TEX48: variants seen among roughly 807,000 people sequenced by gnomAD.
TEX48 encodes testis-expressed protein 48.
In TEX48, 10 loss-of-function variants were observed where a neutral mutation model predicts 13.2. The observed-to-expected ratio is 0.75, with a 90% CI of 0.47 to 1.28. The LOEUF is 1.28. Ranked by LOEUF, TEX48 falls within the 50% of genes most tolerant of loss-of-function variation. The pLI is 0.00. For missense variants in TEX48, 116 were observed against 139.4 expected, an observed-to-expected ratio of 0.83 and a Z score of 0.84; for synonymous variants, 45 against 52.3, an observed-to-expected ratio of 0.86 and a Z score of 0.60.
At chr9:114,672,408 C>T (rs1245774008) in intron 1 of TEX48, among the ~76,000 whole-genome samples, 1 of 152,136 alleles carries the variant, frequency 6.6e-6, no homozygotes, top group East Asian at 1.9e-4. Flanking sequence ...GTCCCAGATC[C>T]CTTTATTTGT....
intron 3 of TEX48, among the ~76,000 whole-genome samples, chr9:114,671,077 C>A (rs1473710095): frequency 6.6e-6 from 1 of 152,174 alleles, no homozygotes. Flanking sequence ...TTCAAATTTA[C>A]CTGGAGATCC....
intron 3 of TEX48, among the ~76,000 whole-genome samples, chr9:114,669,342 A>T (rs928897243): frequency 1.3e-5 from 2 of 152,016 alleles, no homozygotes; most frequent in African/African-American, 4.8e-5. Context: ...GCAGTGGTGC[A>T]ATCATGACTT....
intron 1 of TEX48, among the ~76,000 whole-genome samples, chr9:114,678,247 C>G (rs1346936453): frequency 6.6e-6 from 1 of 152,202 alleles, no homozygotes; most frequent in African/African-American, 2.4e-5. Context: ...CTCCACCCAA[C>G]TTGATCTTTA....
chr9:114,675,183 A>T (rs73656195), intron 1 of TEX48, among the ~76,000 whole-genome samples: 12,897 of 152,198 alleles, frequency 0.085, 1,085 homozygotes, highest in African/African-American at 0.22. Flanking sequence ...ACTAGCATTT[A>T]TTCTTGTCTT....
chr9:114,667,905 C>CAAAAAA (rs1176250476), intron 4 of TEX48, among the ~76,000 whole-genome samples: 45 of 60,366 alleles, frequency 7.5e-4, no homozygotes, highest in Admixed American at 8.9e-4. Flanking sequence ...GACTCCATCT[C>CAAAAAA]AAAAAAAAAA....
rs1828216573 is a variant in TEX48 at position 114,682,185 on chromosome 9, T to A, written c.-255A>T. On this transcript the variant is annotated 5_prime_UTR_variant, in exon 1 of 5. Transcript: ENST00000436752. ...CACGATGCCATGCTGGCCACCAGAC[T>A]GTATACTGGGGCACAAGTCCTGGGG... 2 of 152,112 alleles carry A rather than the reference T, an allele frequency of 1.3e-5. No homozygotes were observed. The highest frequency in any genetic ancestry group is 4.8e-5 in the African/African-American group (2 of 41,308). 9.4% of individuals were successfully genotyped at this position (152,112 alleles called of 1,614,324 possible).
At position 114,671,810 on chromosome 9, in the gene TEX48, A is replaced by T. The variant is rs181740024; in HGVS notation, c.-87T>A. 70 of 1,444,020 alleles carry T rather than the reference A, an allele frequency of 4.8e-5. No homozygotes were observed. In the East Asian group the frequency reaches 1.6e-3, roughly 32 times the overall value. The allele number at this position is 1,444,020 out of a possible 1,614,324, so 89.5% of individuals were successfully genotyped here. On this transcript the variant is annotated 5_prime_UTR_variant, in exon 2 of 5. An upstream open reading frame in the 5' UTR loses its in-frame stop. Coordinates refer to ENST00000436752, the MANE Select transcript of TEX48 (RefSeq NM_001199233.2). ...CCAGTCTTGAGTTTGAGCCCAGTTC[A>T]CTGGGCTGGGCTGTTTCCTAAGTAA...
chr9:114,680,898 CT>C (rs746840453), intron 1 of TEX48, among the ~76,000 whole-genome samples: 1 of 152,190 alleles, frequency 6.6e-6, no homozygotes, highest in East Asian at 1.9e-4. Context: ...ACTGCTGCCT[CT>C]GAAACACCAC....
At chr9:114,673,036 C>T (rs1433440641) in intron 1 of TEX48, among the ~76,000 whole-genome samples, 3 of 152,080 alleles carry the variant, frequency 2.0e-5, no homozygotes, top group African/African-American at 4.8e-5. Context: ...GGGATGCTAC[C>T]AAGCTGTATA....
At chr9:114,674,557 T>A (rs1828015666) in intron 1 of TEX48, among the ~76,000 whole-genome samples, 1 of 151,660 alleles carries the variant, frequency 6.6e-6, no homozygotes, top group Non-Finnish European at 1.5e-5. Flanking sequence ...TCTCTCTTTT[T>A]CTTCTTTTTT....
chr9:114,668,803 T>G (rs1240032081), intron 3 of TEX48, among the ~76,000 whole-genome samples: 1 of 152,206 alleles, frequency 6.6e-6, no homozygotes, highest in African/African-American at 2.4e-5. Flanking sequence ...ACATAGTCCA[T>G]CATATCCTAT....
chr9:114,668,162 C>G, intron 4 of TEX48, 44 bp downstream of exon 4: 1 of 1,533,876 alleles, frequency 6.5e-7, no homozygotes, highest in African/African-American at 1.4e-5. Flanking sequence ...GGCTCCCTGT[C>G]TGGGAGTTTC....
At chr9:114,680,208 ACCT>A (rs928920428) in intron 1 of TEX48, among the ~76,000 whole-genome samples, 2 of 140,034 alleles carry the variant, frequency 1.4e-5, no homozygotes, top group African/African-American at 5.5e-5. Context: ...GGTCACTGCA[ACCT>A]CCGCCTCCTG....
chr9:114,677,243 G>C (rs910130174), intron 1 of TEX48, among the ~76,000 whole-genome samples: 2 of 150,242 alleles, frequency 1.3e-5, no homozygotes, highest in Non-Finnish European at 3.0e-5. Flanking sequence ...GTTTTTGTTT[G>C]TTTGTTTGTT....
At chr9:114,681,199 C>T (rs1200209737) in intron 1 of TEX48, among the ~76,000 whole-genome samples, 2 of 151,978 alleles carry the variant, frequency 1.3e-5, no homozygotes, top group African/African-American at 4.8e-5. Context: ...GGAGATCGTC[C>T]GTATTATCAG....
chr9:114,674,519 AT>A (rs1828013671), intron 1 of TEX48, among the ~76,000 whole-genome samples: 1 of 150,462 alleles, frequency 6.6e-6, no homozygotes, highest in Non-Finnish European at 1.5e-5. Flanking sequence ...CTTTTCAAAC[AT>A]TTTCTCTTTC....
rs756708389 is a variant in TEX48 at position 114,668,344 on chromosome 9, A to G, written c.128-7T>C. Reference sequence around the variant, plus strand: ...TCCTTCTGAAGCAGCAAATCTGGCAATGAGAATTCCACAGGGTCACGTGGG... The same window carrying G: ...TCCTTCTGAAGCAGCAAATCTGGCAGTGAGAATTCCACAGGGTCACGTGGG... On this transcript the variant is annotated splice_polypyrimidine_tract_variant and splice_region_variant and intron_variant, in intron 3 of 4. Coordinates refer to ENST00000436752, the MANE Select transcript of TEX48 (RefSeq NM_001199233.2). The G allele has an allele frequency of 6.6e-5, 101 of 1,535,390 alleles. No individual in the cohort carries two copies. The highest frequency in any genetic ancestry group is 1.5e-4 in the East Asian group (6 of 40,920).
At chr9:114,671,573 G>T in intron 2 of TEX48, 68 bp from the exon 3 acceptor site, 1 of 1,529,962 alleles carries the variant, frequency 6.5e-7, no homozygotes, top group South Asian at 1.2e-5. Context: ...ATTGGAAATT[G>T]ACTGTGGTGG....
At chr9:114,671,559 G>T in intron 2 of TEX48, 54 bp from the exon 3 acceptor site, 1 of 1,532,680 alleles carries the variant, frequency 6.5e-7, no homozygotes, top group East Asian at 2.4e-5. Flanking sequence ...AATTCCAGAT[G>T]CCTATTGGAA....
Sources: gnomAD v4.1 joint callset for allele counts (sites outside exome capture counted in the v4.1 genomes callset) on GRCh38, gnomAD v4.1.1 for gene constraint, MANE v1.5 for transcripts, NCBI Gene and HGNC (gene_info 2026-07-23, HGNC 2026-07-21) for gene names.